Variants in ANK2 observed in about 807,000 individuals in gnomAD.
ANK2 encodes the protein ankyrin-2.
A neutral mutation model predicts 360.5 loss-of-function variants in ANK2; 83 were observed. The ratio of observed to expected loss-of-function variants is 0.23; its 90% CI spans 0.19 to 0.28. The LOEUF (loss-of-function observed/expected upper bound fraction) is 0.28, where lower values mean the gene tolerates loss of function less well. Ranked by LOEUF, ANK2 falls within the 10% of genes least tolerant of loss-of-function variation. ANK2 has a pLI of 1.00. For synonymous variants in ANK2, 1,740 were observed against 1,759.5 expected, an observed-to-expected ratio of 0.99 and a Z score of 0.28; for missense variants, 4,201 against 4,795.7, an observed-to-expected ratio of 0.88 and a Z score of 3.66.
intron 11 of ANK2, among the ~76,000 whole-genome samples, chr4:113,256,992 CTATT>C (rs2049800258): frequency 6.6e-6 from 1 of 152,128 alleles, no homozygotes; most frequent in African/African-American, 2.4e-5. Flanking sequence ...GTGCATGTGG[CTATT>C]TATATCTGGC....
intron 2 of ANK2, among the ~76,000 whole-genome samples, chr4:112,988,758 T>A (rs973563723): frequency 1.3e-5 from 2 of 152,356 alleles, no homozygotes; most frequent in East Asian, 3.8e-4. Flanking sequence ...CTTTAGGTAA[T>A]TGGAAAAGGT....
the ANK2 span, among the ~76,000 whole-genome samples, chr4:112,747,367 A>G: frequency 6.6e-6 from 1 of 152,260 alleles, no homozygotes; most frequent in Non-Finnish European, 1.5e-5. Flanking sequence ...TGAGATCTCC[A>G]AAGCCTTGTC....
At chr4:113,021,539 A>ACACACACACAC (rs34948422) in intron 2 of ANK2, among the ~76,000 whole-genome samples, 7,467 of 108,252 alleles carry the variant, frequency 0.069, 1,063 homozygotes, top group Middle Eastern at 0.1. Flanking sequence ...CCCACACACA[A>ACACACACACAC]ACATATATAT....
chr4:112,753,935 T>C, the ANK2 span, among the ~76,000 whole-genome samples: 2 of 151,578 alleles, frequency 1.3e-5, no homozygotes, highest in Non-Finnish European at 2.9e-5. Flanking sequence ...CTGTCTCTAC[T>C]ACAAATACAA....
intron 1 of ANK2, among the ~76,000 whole-genome samples, chr4:113,093,656 C>T (rs1244082904): frequency 2.6e-5 from 4 of 152,136 alleles, no homozygotes. Flanking sequence ...CTTTTTGAAA[C>T]TCTGTTTATT....
chr4:112,762,024 C>A, the ANK2 span, among the ~76,000 whole-genome samples: 1 of 152,198 alleles, frequency 6.6e-6, no homozygotes, highest in Non-Finnish European at 1.5e-5. Context: ...GAAAGCCATA[C>A]CAACATCTGA....
chr4:112,725,827 A>G, the ANK2 span, among the ~76,000 whole-genome samples: 5 of 152,186 alleles, frequency 3.3e-5, no homozygotes, highest in African/African-American at 1.2e-4. Context: ...GTTTTGCAAG[A>G]TGAAAAGAGT....
chr4:112,854,788 C>T (rs1054079506), intron 1 of ANK2, among the ~76,000 whole-genome samples: 3 of 151,968 alleles, frequency 2.0e-5, no homozygotes, highest in African/African-American at 7.3e-5. Context: ...GACTGGTAGT[C>T]CAGAGGTGGG....
At chr4:112,866,125 G>T (rs2070424238) in intron 1 of ANK2, among the ~76,000 whole-genome samples, 1 of 152,148 alleles carries the variant, frequency 6.6e-6, no homozygotes, top group Admixed American at 6.5e-5. Context: ...AGCATACAGT[G>T]CAGCAAAGGA....
At chr4:113,251,847 A>G (rs184566325) in intron 10 of ANK2, among the ~76,000 whole-genome samples, 2 of 152,262 alleles carry the variant, frequency 1.3e-5, no homozygotes, top group Non-Finnish European at 2.9e-5. Flanking sequence ...AAAAAAGATA[A>G]TTATAAAAAA....
At chr4:112,847,951 A>G (rs11098176) in intron 1 of ANK2, among the ~76,000 whole-genome samples, 106,982 of 151,872 alleles carry the variant, frequency 0.7, 38,204 homozygotes, top group East Asian at 0.97. Context: ...GCTGGCACTT[A>G]TAGGTCTATG....
intron 3 of ANK2, among the ~76,000 whole-genome samples, chr4:113,196,997 C>T (rs2098756991): frequency 6.6e-6 from 1 of 152,196 alleles, no homozygotes. Flanking sequence ...AAAATTTTAT[C>T]TTTCCCCCTT....
intron 2 of ANK2, among the ~76,000 whole-genome samples, chr4:112,962,496 C>T (rs2035340203): frequency 6.6e-6 from 1 of 152,128 alleles, no homozygotes; most frequent in Non-Finnish European, 1.5e-5. Flanking sequence ...ATAGTGCAGC[C>T]ATGAACATAA....
chr4:113,352,659 T>C (rs1251168920), intron 37 of ANK2, among the ~76,000 whole-genome samples: 3 of 152,170 alleles, frequency 2.0e-5, no homozygotes, highest in African/African-American at 7.2e-5. Flanking sequence ...CTTTTTTTTT[T>C]CAACATTGAT....
chr4:113,039,411 G>A (rs1357367951), intron 2 of ANK2, among the ~76,000 whole-genome samples: 2 of 151,898 alleles, frequency 1.3e-5, no homozygotes, highest in African/African-American at 2.4e-5. Flanking sequence ...TTAACTTGGG[G>A]TATTTTGCAG....
chr4:113,083,721 A>G (rs2083355545), intron 1 of ANK2, among the ~76,000 whole-genome samples: 1 of 152,242 alleles, frequency 6.6e-6, no homozygotes, highest in Non-Finnish European at 1.5e-5. Flanking sequence ...TGCTTAGGCA[A>G]CAAGAAATCT....
intron 22 of ANK2, among the ~76,000 whole-genome samples, chr4:113,301,298 G>C (rs189831542): frequency 6.6e-6 from 1 of 151,310 alleles, no homozygotes; most frequent in African/African-American, 2.4e-5. Context: ...TGTTTTTGGG[G>C]TACACATATC....
intron 29 of ANK2, 122 bp downstream of exon 29, chr4:113,333,330 GTC>G: frequency 8.3e-7 from 1 of 1,199,540 alleles, no homozygotes; most frequent in Non-Finnish European, 1.2e-6. Context: ...GTGTGTGTGT[GTC>G]CCTTGTGGTA....
intron 2 of ANK2, among the ~76,000 whole-genome samples, chr4:112,957,090 T>C (rs1367468264): frequency 7.1e-6 from 1 of 141,332 alleles, no homozygotes; most frequent in East Asian, 2.2e-4. Flanking sequence ...CATAGGACAA[T>C]AGTGGAGGGA....
Sources: allele counts gnomAD v4.1 joint callset (sites outside exome capture counted in the v4.1 genomes callset), GRCh38; gene constraint gnomAD v4.1.1; transcripts MANE v1.5; gene names NCBI Gene and HGNC (gene_info 2026-07-23, HGNC 2026-07-21).